ZNF385D: variants seen among roughly 807,000 people sequenced by gnomAD.
ZNF385D encodes zinc finger protein 659.
ZNF385D carries 15 observed loss-of-function variants against 35.8 expected under a neutral mutation model. The ratio of observed to expected loss-of-function variants is 0.42; its 90% CI spans 0.28 to 0.64. The LOEUF is 0.64. Among genes scored for constraint, ZNF385D ranks in the 30% least tolerant of loss-of-function variants. The pLI, the probability that ZNF385D is intolerant of heterozygous loss-of-function variation, is 0.23. For synonymous variants in ZNF385D, 212 were observed against 186.8 expected (o/e 1.13, Z -1.10); for missense variants, 474 against 494.6 (o/e 0.96, Z 0.39).
At chr3:22,346,902 C>A (rs1244633515) in intron 2 of ZNF385D, among the ~76,000 whole-genome samples, 3 of 152,130 alleles carry the variant, frequency 2.0e-5, no homozygotes, top group Non-Finnish European at 4.4e-5. Flanking sequence ...TGGCATTTTT[C>A]ATTCTGTTCC....
At chr3:21,690,717 A>G (rs771507837) in intron 1 of ZNF385D, among the ~76,000 whole-genome samples, 8 of 152,276 alleles carry the variant, frequency 5.3e-5, no homozygotes, top group Non-Finnish European at 1.2e-4. Flanking sequence ...GTCAACATCA[A>G]ATGGGATCGT....
chr3:21,951,726 T>C (rs1484616730), intron 3 of ZNF385D, among the ~76,000 whole-genome samples: 2 of 151,670 alleles, frequency 1.3e-5, no homozygotes, highest in Non-Finnish European at 2.9e-5. Flanking sequence ...ACTTTTACTA[T>C]ACATACTGAA....
At position 21,902,518 on chromosome 3, in the gene ZNF385D, C is replaced by G. The variant is rs188395167; in HGVS notation, c.326-237490G>C. Among the ~76,000 whole-genome samples, 10 of 152,216 alleles carry G rather than the reference C, an allele frequency of 6.6e-5. No homozygotes were observed. In the East Asian group the frequency reaches 1.9e-3, roughly 29 times the overall value. ...GACTTTGTTTTCTCCTATTCCTTTT[C>G]CTCCTTTTATAGAATCAAGTAGCTT... On this transcript the variant is annotated intron_variant, in intron 3 of 5. Coordinates refer to the ZNF385D transcript ENST00000494108.
At chr3:22,237,319 T>C (rs1188546841) in intron 2 of ZNF385D, among the ~76,000 whole-genome samples, 1 of 152,214 alleles carries the variant, frequency 6.6e-6, no homozygotes, top group East Asian at 1.9e-4. Context: ...TATTTGTATA[T>C]CTCTTGGAGA....
chr3:22,357,632 C>T (rs930229726), intron 2 of ZNF385D, among the ~76,000 whole-genome samples: 1 of 151,724 alleles, frequency 6.6e-6, no homozygotes, highest in Non-Finnish European at 1.5e-5. Context: ...TTTCTTGTTC[C>T]TTCAGTATAT....
chr3:21,597,360 C>CA (rs139400366), intron 2 of ZNF385D, among the ~76,000 whole-genome samples: 22,796 of 145,812 alleles, frequency 0.16, 3,088 homozygotes, highest in African/African-American at 0.36. Flanking sequence ...ACTGTTAATT[C>CA]AAAAAAAAAA....
At chr3:21,668,932 A>G (rs543948552) in intron 1 of ZNF385D, among the ~76,000 whole-genome samples, 74 of 152,374 alleles carry the variant, frequency 4.9e-4, no homozygotes, top group Non-Finnish European at 8.8e-4. Flanking sequence ...ATGAAAATGT[A>G]TAATAGATTT....
At chr3:21,898,319 A>G (rs1699238580) in intron 3 of ZNF385D, among the ~76,000 whole-genome samples, 1 of 152,158 alleles carries the variant, frequency 6.6e-6, no homozygotes, top group South Asian at 2.1e-4. Flanking sequence ...TCTACTCTAT[A>G]CTAACACAGC....
chr3:21,944,588 T>C (rs1465944324), intron 3 of ZNF385D, among the ~76,000 whole-genome samples: 1 of 152,192 alleles, frequency 6.6e-6, no homozygotes, highest in Non-Finnish European at 1.5e-5. Flanking sequence ...ATTTAAGCAC[T>C]GTTAATCTGC....
intron 3 of ZNF385D, among the ~76,000 whole-genome samples, chr3:21,840,249 G>A (rs1012021569): frequency 2.0e-5 from 3 of 152,038 alleles, no homozygotes; most frequent in Non-Finnish European, 4.4e-5. Flanking sequence ...GGGGTAAGAT[G>A]TGGCTCACTT....
intron 2 of ZNF385D, among the ~76,000 whole-genome samples, chr3:22,334,980 C>A (rs1226886094): frequency 6.6e-6 from 1 of 152,054 alleles, no homozygotes; most frequent in African/African-American, 2.4e-5. Context: ...TTTAAAAAAT[C>A]ATTGTGTTAA....
At chr3:21,928,306 A>G (rs73131352) in intron 3 of ZNF385D, among the ~76,000 whole-genome samples, 4,994 of 137,694 alleles carry the variant, frequency 0.036, 285 homozygotes, top group African/African-American at 0.12. Flanking sequence ...GGGAGGAAGG[A>G]AGGTAGGAGG....
intron 3 of ZNF385D, among the ~76,000 whole-genome samples, chr3:21,834,139 C>T (rs1156683834): frequency 6.6e-6 from 1 of 152,096 alleles, no homozygotes; most frequent in Non-Finnish European, 1.5e-5. Context: ...TTATATTTCA[C>T]ACACATATAG....
At chr3:21,598,956 C>T (rs2064203172) in intron 2 of ZNF385D, among the ~76,000 whole-genome samples, 1 of 152,194 alleles carries the variant, frequency 6.6e-6, no homozygotes, top group East Asian at 1.9e-4. Context: ...CTTTAGGTCT[C>T]CCTGCCATGT....
intron 3 of ZNF385D, among the ~76,000 whole-genome samples, chr3:21,870,623 C>G (rs1016395436): frequency 6.6e-6 from 1 of 152,094 alleles, no homozygotes; most frequent in African/African-American, 2.4e-5. Flanking sequence ...GCCCAATCAG[C>G]CACGCAAACC....
chr3:21,790,633 T>G (rs919810204), intron 3 of ZNF385D, among the ~76,000 whole-genome samples: 2 of 152,122 alleles, frequency 1.3e-5, no homozygotes, highest in Non-Finnish European at 2.9e-5. Context: ...CATCTGGGTA[T>G]TACATTTGCA....
At chr3:21,706,219 G>T (rs2067893161) in intron 1 of ZNF385D, among the ~76,000 whole-genome samples, 5 of 151,182 alleles carry the variant, frequency 3.3e-5, no homozygotes, top group Admixed American at 3.3e-4. Flanking sequence ...TTTCACACTG[G>T]CAAAACAAAA....
At chr3:21,603,161 G>T (rs2125769491) in intron 2 of ZNF385D, among the ~76,000 whole-genome samples, 1 of 152,312 alleles carries the variant, frequency 6.6e-6, no homozygotes, top group East Asian at 1.9e-4. Context: ...GAGACAAGAA[G>T]ACGCATAATA....
intron 3 of ZNF385D, among the ~76,000 whole-genome samples, chr3:21,555,870 A>G (rs932408667): frequency 6.6e-6 from 1 of 152,122 alleles, no homozygotes; most frequent in East Asian, 1.9e-4. Context: ...CCTCTTCAGC[A>G]TGTGTCATTT....
Sources: allele counts gnomAD v4.1 joint callset (sites outside exome capture counted in the v4.1 genomes callset), GRCh38; gene constraint gnomAD v4.1.1; transcripts MANE v1.5; gene names NCBI Gene and HGNC (gene_info 2026-07-23, HGNC 2026-07-21).